The following TMEM132D variants were observed in gnomAD, a reference collection of about 807,000 sequenced individuals.
TMEM132D encodes the protein transmembrane protein 132D.
TMEM132D carries 21 observed loss-of-function variants against 62.3 expected under a neutral mutation model. The observed-to-expected ratio is 0.34, with a 90% CI of 0.24 to 0.49. The LOEUF (loss-of-function observed/expected upper bound fraction) is 0.49. TMEM132D is among the 20% of genes least tolerant of loss of function. The pLI is 0.99. For synonymous variants in TMEM132D, 621 were observed against 575.6 expected (o/e 1.08, Z -1.13); for missense variants, 1,346 against 1,402.8 (o/e 0.96, Z 0.65).
intron 4 of TMEM132D, among the ~76,000 whole-genome samples, chr12:129,230,462 T>G (rs1246897332): frequency 6.6e-6 from 1 of 152,272 alleles, no homozygotes; most frequent in Non-Finnish European, 1.5e-5. Context: ...ATTAGACCCT[T>G]CTTCAAAATG....
intron 4 of TMEM132D, among the ~76,000 whole-genome samples, chr12:129,230,998 T>A (rs1465059482): frequency 2.0e-5 from 3 of 152,188 alleles, no homozygotes; most frequent in Non-Finnish European, 4.4e-5. Flanking sequence ...GTAGCCAGGG[T>A]TAGGAAAAAT....
intron 1 of TMEM132D, among the ~76,000 whole-genome samples, chr12:129,892,961 C>T (rs1431923475): frequency 6.6e-6 from 1 of 152,138 alleles, no homozygotes; most frequent in Non-Finnish European, 1.5e-5. Context: ...ACTACAACCT[C>T]CACCTCCCAG....
intron 1 of TMEM132D, among the ~76,000 whole-genome samples, chr12:129,710,672 G>A (rs1024634000): frequency 6.6e-6 from 1 of 152,164 alleles, no homozygotes; most frequent in Non-Finnish European, 1.5e-5. Flanking sequence ...AAACACTTAA[G>A]GCATTTCGGA....
At chr12:129,559,178 C>A (rs1877144430) in intron 2 of TMEM132D, among the ~76,000 whole-genome samples, 1 of 152,072 alleles carries the variant, frequency 6.6e-6, no homozygotes, top group Admixed American at 6.5e-5. Flanking sequence ...AGATAAGTGA[C>A]AAAATGGCTT....
intron 3 of TMEM132D, among the ~76,000 whole-genome samples, chr12:129,515,653 G>A (rs1875651312): frequency 6.6e-6 from 1 of 152,180 alleles, no homozygotes; most frequent in Admixed American, 6.5e-5. Context: ...AGAGAAGGTT[G>A]TAATACCCTC....
chr12:129,729,142 A>C (rs1367162299), intron 1 of TMEM132D, among the ~76,000 whole-genome samples: 2 of 152,160 alleles, frequency 1.3e-5, no homozygotes, highest in Non-Finnish European at 2.9e-5. Context: ...GAACTCACTA[A>C]TTTGCCACAG....
intron 2 of TMEM132D, among the ~76,000 whole-genome samples, chr12:129,696,142 C>T (rs1421117155): frequency 6.6e-6 from 1 of 152,316 alleles, no homozygotes; most frequent in African/African-American, 2.4e-5. Context: ...GCATATCTGG[C>T]TACCAAAACC....
chr12:129,696,270 C>T (rs148040254), intron 2 of TMEM132D, among the ~76,000 whole-genome samples: 24 of 152,344 alleles, frequency 1.6e-4, no homozygotes, highest in African/African-American at 5.1e-4. Flanking sequence ...AAGAGTATCT[C>T]CTTAGTAATG....
rs1872275803 is a variant in TMEM132D at position 129,814,210 on chromosome 12, G to C, written c.79+89051C>G. The stretch of plus-strand genomic sequence containing the variant: ...TGGCAGTTACCAGAGGCCAGGAAGG[G>C]GTGAGAAACTGAGGAGAAAAAAGAA... On this transcript the variant is annotated intron_variant, in intron 1 of 8. Transcript: ENST00000422113. Among the ~76,000 whole-genome samples the C allele has an allele frequency of 2.0e-5, 3 of 152,092 alleles. No individual in the cohort carries two copies. In the South Asian group the frequency reaches 6.2e-4, roughly 32 times the overall value.
chr12:129,559,970 G>A (rs1877169103), intron 2 of TMEM132D, among the ~76,000 whole-genome samples: 1 of 152,206 alleles, frequency 6.6e-6, no homozygotes, highest in Non-Finnish European at 1.5e-5. Flanking sequence ...ACTGTTCAGG[G>A]TAAGGAGGGT....
At chr12:129,794,444 C>A (rs1338288796) in intron 1 of TMEM132D, among the ~76,000 whole-genome samples, 1 of 151,894 alleles carries the variant, frequency 6.6e-6, no homozygotes, top group Non-Finnish European at 1.5e-5. Context: ...ATACAACGCT[C>A]TTCTTCTTTT....
At chr12:129,204,019 C>CA (rs1302091862) in intron 5 of TMEM132D, among the ~76,000 whole-genome samples, 3 of 152,040 alleles carry the variant, frequency 2.0e-5, no homozygotes, top group Non-Finnish European at 4.4e-5. Context: ...AGAAAAGAGC[C>CA]AAAAAACCCA....
chr12:129,753,786 A>G (rs527975701), intron 1 of TMEM132D, among the ~76,000 whole-genome samples: 1 of 152,344 alleles, frequency 6.6e-6, no homozygotes, highest in East Asian at 1.9e-4. Context: ...AGGAATCTCT[A>G]TGCATGCAGG....
chr12:129,314,039 C>A (rs1868399901), intron 4 of TMEM132D, among the ~76,000 whole-genome samples: 1 of 152,020 alleles, frequency 6.6e-6, no homozygotes, highest in Non-Finnish European at 1.5e-5. Flanking sequence ...TGTCCTTAGC[C>A]CACTTTTTAA....
intron 2 of TMEM132D, among the ~76,000 whole-genome samples, chr12:129,579,282 A>G (rs1366268551): frequency 6.6e-6 from 1 of 152,180 alleles, no homozygotes; most frequent in Non-Finnish European, 1.5e-5. Context: ...TATCCTTAGA[A>G]TTTACACAGA....
intron 1 of TMEM132D, among the ~76,000 whole-genome samples, chr12:129,821,877 G>A (rs1872549385): frequency 1.3e-5 from 2 of 152,298 alleles, no homozygotes; most frequent in East Asian, 1.9e-4. Flanking sequence ...CTGGTCTTTC[G>A]AAGTGGGGAG....
intron 3 of TMEM132D, among the ~76,000 whole-genome samples, chr12:129,343,637 C>T (rs1403295003): frequency 1.1e-4 from 16 of 151,904 alleles, no homozygotes; most frequent in African/African-American, 3.6e-4. Context: ...TGTTGCCGGG[C>T]GTGGTGGCTC....
intron 3 of TMEM132D, among the ~76,000 whole-genome samples, chr12:129,493,988 C>T (rs1874875835): frequency 6.6e-6 from 1 of 152,176 alleles, no homozygotes; most frequent in Non-Finnish European, 1.5e-5. Flanking sequence ...GTCAAATGGG[C>T]ATTCTAAGCT....
chr12:129,859,596 C>T (rs1001356434), intron 1 of TMEM132D, among the ~76,000 whole-genome samples: 3 of 152,286 alleles, frequency 2.0e-5, no homozygotes, highest in Admixed American at 2.0e-4. Context: ...TGCAGACCCA[C>T]CCTCAGTGTG....
Sources: allele counts gnomAD v4.1 joint callset (sites outside exome capture counted in the v4.1 genomes callset), GRCh38; gene constraint gnomAD v4.1.1; transcripts MANE v1.5; gene names NCBI Gene and HGNC (gene_info 2026-07-23, HGNC 2026-07-21).